The following CELF1 variants were observed in gnomAD, a reference collection of about 807,000 sequenced individuals.
CELF1 encodes CUGBP Elav-like family member 1, also known as 50 kDa nuclear polyadenylated RNA-binding protein.
In CELF1, 10 loss-of-function variants were observed where a neutral mutation model predicts 61.8. That is an observed-to-expected ratio of 0.16 (90% CI 0.10 to 0.27). The LOEUF (loss-of-function observed/expected upper bound fraction) is 0.27. CELF1 is among the 10% of genes least tolerant of loss of function. The probability of loss-of-function intolerance (pLI) is 1.00; values close to 1 mark genes in which losing one functional copy is unlikely to be tolerated. For missense variants in CELF1, 380 were observed against 639.1 expected, an observed-to-expected ratio of 0.59 and a Z score of 4.37; for synonymous variants, 236 against 225.1, an observed-to-expected ratio of 1.05 and a Z score of -0.43.
chr11:47,489,936 T>TTTTTG lies in CELF1; in HGVS notation c.72-913_72-912insCAAAA, dbSNP rs1491437850. On this transcript the variant is annotated intron_variant, in intron 3 of 14. Coordinates refer to ENST00000687097, the MANE Select transcript of CELF1 (RefSeq NM_001376376.1). The stretch of plus-strand genomic sequence containing the variant: ...TTTCCACTCAGAACATACCATCTTG[T>TTTTTG]TTTTTTTTTTTTTTTTTTTGAGACG... 8.1e-3 allele frequency among the ~76,000 whole-genome samples: 539 copies of TTTTTG among 66,256 alleles called. 43 individuals carry two copies. The highest frequency in any genetic ancestry group is 0.026 in the African/African-American group (321 of 12,174). The allele number at this position is 66,256 out of a possible 152,430, so 43.5% of individuals were successfully genotyped here. A position where few individuals can be genotyped will look rare whatever the true frequency, so the allele number is the denominator to read the frequency against.
chr11:47,517,381 C>T (rs1049841170), intron 1 of CELF1, among the ~76,000 whole-genome samples: 7 of 151,164 alleles, frequency 4.6e-5, no homozygotes, highest in Admixed American at 2.6e-4. Flanking sequence ...TTCATAAGAA[C>T]ATTGTTTACA....
rs1221332934 is a variant in CELF1, at chr11:47,545,920, T to A, written c.-154+7072A>T. On this transcript the variant is annotated intron_variant, in intron 1 of 14. Coordinates refer to ENST00000687097, the MANE Select transcript of CELF1 (RefSeq NM_001376376.1). The stretch of plus-strand genomic sequence containing the variant: ...GTGTGTGTGTGTATATATATATTTT[T>A]TTTTTTTTGAGATGGAGTCTCCCAC... Among the ~76,000 whole-genome samples, 278 of 145,230 alleles carry A rather than the reference T, an allele frequency of 1.9e-3. 2 individuals are homozygous for A. The highest frequency in any genetic ancestry group is 5.5e-3 in the African/African-American group (206 of 37,480).
At chr11:47,547,675 AAAAAAAAAG>A (rs1261058020) in intron 1 of CELF1, among the ~76,000 whole-genome samples, 1 of 149,186 alleles carries the variant, frequency 6.7e-6, no homozygotes, top group Admixed American at 6.7e-5. Context: ...ATCTCAAAAA[AAAAAAAAAG>A]AAAAAAAAAA....
chr11:47,558,121 T>G (rs1174979809), upstream of CELF1, among the ~76,000 whole-genome samples: 1 of 152,008 alleles, frequency 6.6e-6, no homozygotes, highest in Non-Finnish European at 1.5e-5. Context: ...CCTCCGAAAG[T>G]GTTGGGATTA....
intron 6 of CELF1, among the ~76,000 whole-genome samples, chr11:47,485,700 G>A (rs1043445651): frequency 1.7e-4 from 26 of 151,528 alleles, no homozygotes; most frequent in African/African-American, 6.3e-4. Context: ...TCCTGTCTCA[G>A]CCTCCTGAGT....
intron 1 of CELF1, among the ~76,000 whole-genome samples, chr11:47,548,367 G>A (rs1396936165): frequency 6.6e-6 from 1 of 152,036 alleles, no homozygotes; most frequent in Admixed American, 6.6e-5. Context: ...AAAATATAGA[G>A]GAAAAACTTC....
Position 47,475,370 on chromosome 11 carries a change from C to T in CELF1, c.1239G>A (p.Gln413=). 5.0e-6 allele frequency: 8 copies of T among 1,614,018 alleles called. No individual in the cohort carries two copies. Among genetic ancestry groups the T allele is most frequent in the Non-Finnish European group, 6.8e-6 (8 of 1,180,016 alleles). Reference sequence around the variant, plus strand: ...GGCTTCCAGCAGCACCAATACTCTGCTGTGTCAGAAGATTCTGGTTGTACA... The same window carrying T: ...GGCTTCCAGCAGCACCAATACTCTGTTGTGTCAGAAGATTCTGGTTGTACA... ...PTLYNQNLLT[Q]QSIGAAGSQK... The change falls in exon 13 of 15, where the codon CAG becomes CAA. Residue 413 remains glutamine (Q), a synonymous_variant. Coordinates refer to ENST00000687097, the MANE Select transcript of CELF1 (RefSeq NM_001376376.1).
At chr11:47,512,483 G>A (rs925659571) in intron 1 of CELF1, among the ~76,000 whole-genome samples, 3 of 148,400 alleles carry the variant, frequency 2.0e-5, no homozygotes, top group Admixed American at 1.3e-4. Context: ...TTAGAGATGA[G>A]GGATCACTCT....
intron 1 of CELF1, among the ~76,000 whole-genome samples, chr11:47,505,842 C>T (rs867121612): frequency 7.1e-6 from 1 of 140,690 alleles, no homozygotes; most frequent in Non-Finnish European, 1.5e-5. Context: ...GGCTGAGGCA[C>T]GAGAATTGCC....
At position 47,472,322 on chromosome 11, in the gene CELF1, C is replaced by A. The variant is rs1342272919; in HGVS notation, c.1453G>T (p.Ala485Ser). The A allele has an allele frequency of 1.9e-6, 3 of 1,614,140 alleles. No homozygotes were observed. Among genetic ancestry groups the A allele is most frequent in the East Asian group, 2.2e-5 (1 of 44,876 alleles). Reference protein sequence around the residue: ...VSYDNPVSAQAAIQSMNGFQI... With the variant: ...VSYDNPVSAQSAIQSMNGFQI... ...AAGCCGTTCATGGACTGGATGGCAG[C>A]TTGGGCCGAAACAGGATTGTCGTAA... Residue 485 changes from alanine to serine, a missense_variant, in exon 15 of 15, where the codon GCT (alanine) becomes TCT (serine). Transcript: ENST00000687097.
At chr11:47,498,128 G>A (rs1168585678) in intron 3 of CELF1, among the ~76,000 whole-genome samples, 1 of 152,156 alleles carries the variant, frequency 6.6e-6, no homozygotes, top group Non-Finnish European at 1.5e-5. Flanking sequence ...AGACTACAGA[G>A]GAGGCATAAG....
chr11:47,517,657 T>A (rs1353180209), intron 1 of CELF1, among the ~76,000 whole-genome samples: 1 of 143,412 alleles, frequency 7.0e-6, no homozygotes, highest in South Asian at 2.2e-4. Flanking sequence ...TCTACAGAAA[T>A]TTTTTTTTTT....
intron 1 of CELF1, among the ~76,000 whole-genome samples, chr11:47,505,104 ACT>A (rs1009940979): frequency 1.3e-5 from 2 of 150,774 alleles, no homozygotes; most frequent in African/African-American, 4.9e-5. Context: ...TCACAGAAAG[ACT>A]CTGTACTCAG....
chr11:47,480,672 AG>A (rs781141179), intron 9 of CELF1, among the ~76,000 whole-genome samples: 32 of 152,368 alleles, frequency 2.1e-4, no homozygotes, highest in Non-Finnish European at 4.3e-4. Context: ...TCATTTCTGC[AG>A]ATGACTAAAA....
At chr11:47,552,031 AGAT>A (rs1195313037) in intron 1 of CELF1, among the ~76,000 whole-genome samples, 4 of 151,632 alleles carry the variant, frequency 2.6e-5, no homozygotes, top group South Asian at 2.1e-4. Flanking sequence ...AAAAAAAAAA[AGAT>A]GAAGTTCTTG....
upstream of CELF1, among the ~76,000 whole-genome samples, chr11:47,556,437 G>C (rs566736967): frequency 1.8e-4 from 27 of 152,234 alleles, no homozygotes; most frequent in East Asian, 9.6e-4. Flanking sequence ...CTCCCCACTC[G>C]GCCTTCCGAA....
chr11:47,551,000 C>A lies in CELF1; in HGVS notation c.-154+1992G>T, dbSNP rs2097124247. On this transcript the variant is annotated intron_variant, in intron 1 of 14. Coordinates refer to ENST00000687097, the MANE Select transcript of CELF1 (RefSeq NM_001376376.1). ...CAGGGTCCTTTCCCATTTCATTACA[C>A]CTCAAAGGGAAGATTGCATTATTAC... 2.0e-5 allele frequency among the ~76,000 whole-genome samples: 3 copies of A among 150,946 alleles called. No individual in the cohort carries two copies. The Admixed American group carries it at 2.0e-4, about 10-fold the overall frequency.
intron 1 of CELF1, among the ~76,000 whole-genome samples, chr11:47,530,284 A>G (rs1365413981): frequency 6.6e-6 from 1 of 152,222 alleles, no homozygotes; most frequent in Admixed American, 6.5e-5. Flanking sequence ...AAGAAGAGGT[A>G]CAAAGAACAT....
chr11:47,522,300 T>C (rs1341738323), intron 1 of CELF1, among the ~76,000 whole-genome samples: 1 of 151,332 alleles, frequency 6.6e-6, no homozygotes, highest in Non-Finnish European at 1.5e-5. Flanking sequence ...CCAAGGCAGG[T>C]GGATCACCCG....
Sources: allele counts gnomAD v4.1 joint callset (sites outside exome capture counted in the v4.1 genomes callset), GRCh38; gene constraint gnomAD v4.1.1; transcripts MANE v1.5; gene names NCBI Gene and HGNC (gene_info 2026-07-23, HGNC 2026-07-21).